PAM16: variants seen among roughly 807,000 people sequenced by gnomAD.
The protein encoded by PAM16 is presequence translocase associated motor 16.
Under a neutral mutation model 17.9 loss-of-function variants are expected in PAM16, and 11 were observed. The observed-to-expected ratio is 0.62, with a 90% CI of 0.39 to 1.02. PAM16 has a LOEUF of 1.02. Among genes scored for constraint, PAM16 ranks in the 50% least tolerant of loss-of-function variants. The pLI is 0.01. For synonymous variants in PAM16, 72 were observed against 67.4 expected (o/e 1.07, Z -0.34); for missense variants, 199 against 165.4 (o/e 1.20, Z -1.11).
chr16:4,340,273 A>G lies in PAM16; in HGVS notation c.*46T>C. On this transcript the variant is annotated 3_prime_UTR_variant, in exon 5 of 5. Coordinates refer to ENST00000318059, the MANE Select transcript of PAM16 (RefSeq NM_016069.11). Reference sequence around the variant, plus strand: ...AAATGCAGAAAAGAAATTTATTACCAAGCTATAAATTAGAGGCGGCGGGGT... The same window carrying G: ...AAATGCAGAAAAGAAATTTATTACCGAGCTATAAATTAGAGGCGGCGGGGT... 1 of 1,565,292 alleles carries G rather than the reference A, an allele frequency of 6.4e-7. No homozygotes were observed.
intron 1 of PAM16, among the ~76,000 whole-genome samples, chr16:4,344,505 GAGGGGGTTCTGTGAGAGA>G (rs1293667878): frequency 0.061 from 5,722 of 93,100 alleles, 954 homozygotes; most frequent in Non-Finnish European, 0.075. Context: ...TCTGTGAGAG[GAGGGGGTTCTGTGAGAGA>G]AGGGGACTGT....
At position 4,346,031 on chromosome 16, in the gene PAM16, G is replaced by C. The variant is rs867473007; in HGVS notation, c.4-2740C>G. 15 of 943,884 alleles carry C rather than the reference G, an allele frequency of 1.6e-5. No homozygotes were observed. In the East Asian group the frequency reaches 1.6e-3, roughly 102 times the overall value. The allele number at this position is 943,884 out of a possible 1,614,324, so 58.5% of individuals were successfully genotyped here. On this transcript the variant is annotated intron_variant, in intron 1 of 4. Transcript: ENST00000318059. The stretch of plus-strand genomic sequence containing the variant: ...ACTGTTGCAAAATAATGAACGGTAA[G>C]AGCTGAGGTCATAACTGGGGAGCTT...
Position 4,340,302 on chromosome 16 carries a change from C to A in PAM16, c.*17G>T. On this transcript the variant is annotated 3_prime_UTR_variant, in exon 5 of 5. Coordinates refer to ENST00000318059, the MANE Select transcript of PAM16 (RefSeq NM_016069.11). ...TATAAATTAGAGGCGGCGGGGTGGG[C>A]GGGGGGAGCCGAGCAGTCACGTATG... 1 of 1,496,120 alleles carries A rather than the reference C, an allele frequency of 6.7e-7. No homozygotes were observed. The highest frequency in any genetic ancestry group is 1.3e-5 in the South Asian group (1 of 76,870). The allele number at this position is 1,496,120 out of a possible 1,614,324, so 92.7% of individuals were successfully genotyped here.
rs368411739 is a variant in PAM16 at position 4,343,268 on chromosome 16, A to G, written c.27T>C (p.Ile9=). MAKYLAQI[I]VMGVQVVGRA... The stretch of plus-strand genomic sequence containing the variant: ...TGCCCACCACCTGCACGCCCATCAC[A>G]ATGATCTGGGCCAGGTACTTGGCCT... The change falls in exon 2 of 5, where the codon ATT becomes ATC. Residue 9 remains isoleucine, a synonymous_variant. Transcript: ENST00000318059. The G allele has an allele frequency of 5.6e-6, 9 of 1,612,324 alleles. No homozygotes were observed. In the African/African-American group the frequency reaches 1.1e-4, roughly 19 times the overall value.
At chr16:4,350,562 G>A (rs771735574) in intron 1 of PAM16, among the ~76,000 whole-genome samples, 4 of 151,784 alleles carry the variant, frequency 2.6e-5, no homozygotes, top group Non-Finnish European at 5.9e-5. Context: ...CACCCCACCC[G>A]GCTAATTTTT....
At chr16:4,343,473 A>C in intron 1 of PAM16, 182 bp from the exon 2 acceptor site, 1 of 1,431,598 alleles carries the variant, frequency 7.0e-7, no homozygotes, top group South Asian at 1.5e-5. Flanking sequence ...TGGGTGGCTT[A>C]GTTACTCACT....
intron 1 of PAM16, 104 bp from the exon 2 acceptor site, chr16:4,343,395 G>A: frequency 6.7e-7 from 1 of 1,498,784 alleles, no homozygotes; most frequent in Non-Finnish European, 8.9e-7. Flanking sequence ...GAGACCCGAG[G>A]TCATGAAGCA....
At chr16:4,343,896 G>C (rs1467066171) in intron 1 of PAM16, 4 of 397,824 alleles carry the variant, frequency 1.0e-5, no homozygotes, top group African/African-American at 8.2e-5. Context: ...ATGAGGGAGA[G>C]TCAGGCTCGT....
chr16:4,343,164 G>C (rs1321562436), intron 2 of PAM16, 43 bp downstream of exon 2: 1 of 1,611,746 alleles, frequency 6.2e-7, no homozygotes, highest in Admixed American at 1.7e-5. Flanking sequence ...ATCTGACCTG[G>C]AGAGGAACTC....
chr16:4,343,757 A>T, intron 1 of PAM16: 1 of 416,780 alleles, frequency 2.4e-6, no homozygotes, highest in East Asian at 3.5e-5. Flanking sequence ...ATCTGTCCTA[A>T]TTCTCCCAAG....
intron 3 of PAM16, 21 bp downstream of exon 3, chr16:4,341,347 G>C (rs1247351834): frequency 6.4e-7 from 1 of 1,558,112 alleles, no homozygotes; most frequent in Non-Finnish European, 8.7e-7. Flanking sequence ...CTCAAACTTT[G>C]GGGTGGCCCA....
chr16:4,344,706 G>A lies in PAM16; in HGVS notation c.4-1415C>T, dbSNP rs1488383265. Among the ~76,000 whole-genome samples the A allele has an allele frequency of 8.2e-4, 5 of 6,064 alleles. 1 individual carries two copies. The highest frequency in any genetic ancestry group is 0.012 in the South Asian group (1 of 86). 4.0% of individuals were successfully genotyped at this position (6,064 alleles called of 152,430 possible). ...GGAGGGGGTTCCGTGAGAGAAGGGG[G>A]TTCCGTGAGAGGAGGGGGTTCCGTG... On this transcript the variant is annotated intron_variant, in intron 1 of 4. Transcript: ENST00000318059.
At chr16:4,343,779 T>C (rs1037191310) in intron 1 of PAM16, 8 of 407,092 alleles carry the variant, frequency 2.0e-5, no homozygotes, top group African/African-American at 1.2e-4. Context: ...CCGAAGACTT[T>C]AAGTCCATTC....
chr16:4,349,936 G>A (rs571345393), intron 1 of PAM16, among the ~76,000 whole-genome samples: 46 of 152,194 alleles, frequency 3.0e-4, no homozygotes, highest in African/African-American at 1.1e-3. Flanking sequence ...CACTAAATGA[G>A]AGACTCTACA....
intron 1 of PAM16, chr16:4,345,779 G>C: frequency 1.1e-6 from 1 of 938,764 alleles, no homozygotes; most frequent in Non-Finnish European, 1.3e-6. Flanking sequence ...GACACCTGCG[G>C]TCTCACCTGA....
chr16:4,346,295 C>G (rs1212422623), intron 1 of PAM16, among the ~76,000 whole-genome samples: 2 of 152,246 alleles, frequency 1.3e-5, no homozygotes, highest in Non-Finnish European at 2.9e-5. Flanking sequence ...CTGACATAGA[C>G]ACGTTCTCAA....
intron 2 of PAM16, among the ~76,000 whole-genome samples, chr16:4,341,934 C>A (rs1430989870): frequency 3.3e-5 from 5 of 152,214 alleles, no homozygotes; most frequent in African/African-American, 1.2e-4. Flanking sequence ...GACCTCTCCC[C>A]TTTCAGTGAC....
chr16:4,348,887 G>C (rs1159233925), intron 1 of PAM16, among the ~76,000 whole-genome samples: 2 of 150,394 alleles, frequency 1.3e-5, no homozygotes, highest in African/African-American at 4.9e-5. Context: ...GAACCCCTGA[G>C]CTCAGGTAAT....
Position 4,340,284 on chromosome 16 carries a change from T to TA in PAM16, c.*34dup, listed in dbSNP as rs749450480. 167 of 1,563,582 alleles carry TA rather than the reference T, an allele frequency of 1.1e-4. No individual in the cohort carries two copies. The highest frequency in any genetic ancestry group is 1.4e-4 in the Non-Finnish European group (162 of 1,149,358). ...AGAAATTTATTACCAAGCTATAAAT[T>TA]AGAGGCGGCGGGGTGGGCGGGGGGA... is the stretch of plus-strand genomic sequence containing the variant. On this transcript the variant is annotated 3_prime_UTR_variant, in exon 5 of 5. Coordinates refer to ENST00000318059, the MANE Select transcript of PAM16 (RefSeq NM_016069.11).
Sources: allele counts gnomAD v4.1 joint callset (sites outside exome capture counted in the v4.1 genomes callset), GRCh38; gene constraint gnomAD v4.1.1; transcripts MANE v1.5; gene names NCBI Gene and HGNC (gene_info 2026-07-23, HGNC 2026-07-21).